FHOD3: variants seen among roughly 807,000 people sequenced by gnomAD.
The protein encoded by FHOD3 is formin homology 2 domain containing 3, also known as FH1/FH2 domain-containing protein 3.
A neutral mutation model predicts 173.0 loss-of-function variants in FHOD3; 90 were observed. That is an observed-to-expected ratio of 0.52 (90% confidence interval 0.44 to 0.62). FHOD3 has a LOEUF of 0.62. Among genes scored for constraint, FHOD3 ranks in the 20% least tolerant of loss-of-function variants. The pLI, the probability that FHOD3 is intolerant of heterozygous loss-of-function variation, is 0.00. For synonymous variants in FHOD3, 828 were observed against 823.0 expected (o/e 1.01, Z -0.10); for missense variants, 1,945 against 2,034.7 (o/e 0.96, Z 0.85).
At chr18:36,458,540 C>T (rs1258132705) in intron 3 of FHOD3, among the ~76,000 whole-genome samples, 1 of 152,060 alleles carries the variant, frequency 6.6e-6, no homozygotes, top group Non-Finnish European at 1.5e-5. Flanking sequence ...TAGGTGCTTG[C>T]CTCAGCTGGG....
intron 15 of FHOD3, 130 bp from the exon 16 acceptor site, chr18:36,686,998 C>T: frequency 1.6e-6 from 1 of 619,078 alleles, no homozygotes; most frequent in Non-Finnish European, 2.8e-6. Flanking sequence ...AATTCAGCTA[C>T]AACCATTTTA....
At position 36,384,570 on chromosome 18, in the gene FHOD3, CA is replaced by C. The variant is rs57653216; in HGVS notation, c.337+11841del. On this transcript the variant is annotated intron_variant, in intron 3 of 28. Coordinates refer to ENST00000590592, the MANE Select transcript of FHOD3 (RefSeq NM_001281740.3). Reference sequence around the variant, plus strand: ...AGGCAACAAGAGCAAAACTGCATCTCAAAAAAAAAAAAAAAGGATTAAAGAA... The same window carrying C: ...AGGCAACAAGAGCAAAACTGCATCTCAAAAAAAAAAAAAAGGATTAAAGAA... Among the ~76,000 whole-genome samples the C allele has an allele frequency of 5.7e-3, 661 of 115,154 alleles. 3 individuals are homozygous for C. The highest frequency in any genetic ancestry group is 0.014 in the Middle Eastern group (3 of 214). The allele number at this position is 115,154 out of a possible 152,430, so 75.5% of individuals were successfully genotyped here. A position where few individuals can be genotyped will look rare whatever the true frequency, so the allele number is the denominator to read the frequency against.
At chr18:36,726,140 TA>T (rs2041054105) in intron 19 of FHOD3, among the ~76,000 whole-genome samples, 1 of 150,428 alleles carries the variant, frequency 6.6e-6, no homozygotes, top group African/African-American at 2.4e-5. Context: ...CTTTTATATA[TA>T]TTTTATATAT....
chr18:36,747,417 T>A (rs183131684), intron 24 of FHOD3, among the ~76,000 whole-genome samples: 2 of 152,318 alleles, frequency 1.3e-5, no homozygotes, highest in Non-Finnish European at 2.9e-5. Flanking sequence ...TTCTAACAAA[T>A]TGAACCCTGC....
At chr18:36,572,137 A>G (rs374031014) in intron 5 of FHOD3, among the ~76,000 whole-genome samples, 7 of 152,368 alleles carry the variant, frequency 4.6e-5, no homozygotes, top group African/African-American at 1.4e-4. Context: ...ACTGAAGCAC[A>G]GAAAGATGAA....
Position 36,707,726 on chromosome 18 carries a change from C to G in FHOD3, c.2237-1369C>G, listed in dbSNP as rs77044330. 1.1e-4 allele frequency among the ~76,000 whole-genome samples: 17 copies of G among 152,288 alleles called. 1 individual carries two copies. The highest frequency in any genetic ancestry group is 3.4e-3 in the Middle Eastern group (1 of 294). On this transcript the variant is annotated intron_variant, in intron 17 of 28. Coordinates refer to ENST00000590592, the MANE Select transcript of FHOD3 (RefSeq NM_001281740.3). ...TGGTTCTGTGCACCCCATGGCCAGC[C>G]GTGCCCATTACCTGGTGCCGCAGGA...
At chr18:36,712,133 C>T (rs1242528623) in intron 18 of FHOD3, among the ~76,000 whole-genome samples, 2 of 152,106 alleles carry the variant, frequency 1.3e-5, no homozygotes, top group Non-Finnish European at 1.5e-5. Flanking sequence ...TATGCTATAC[C>T]TAAAAAGGGT....
intron 14 of FHOD3, among the ~76,000 whole-genome samples, chr18:36,659,750 G>A (rs546554721): frequency 6.6e-6 from 1 of 152,202 alleles, no homozygotes; most frequent in Non-Finnish European, 1.5e-5. Context: ...AGGGGTCCAT[G>A]TGGCCCACAA....
At chr18:36,596,457 A>G (rs1026670961) in intron 7 of FHOD3, among the ~76,000 whole-genome samples, 17 of 149,788 alleles carry the variant, frequency 1.1e-4, no homozygotes, top group Admixed American at 8.8e-4. Context: ...TGCTGGGATT[A>G]CAGGCGTGAG....
At chr18:36,600,724 C>T (rs373922579) in intron 7 of FHOD3, among the ~76,000 whole-genome samples, 76 of 152,302 alleles carry the variant, frequency 5.0e-4, no homozygotes, top group African/African-American at 1.8e-3. Flanking sequence ...GGCTACCTTT[C>T]CCTCTCTCTC....
intron 1 of FHOD3, among the ~76,000 whole-genome samples, chr18:36,307,143 T>C (rs1018219366): frequency 2.0e-5 from 3 of 152,084 alleles, no homozygotes; most frequent in Non-Finnish European, 2.9e-5. Context: ...TTTGTATTTT[T>C]AGTAGAGATG....
At chr18:36,429,719 G>A (rs1371004163) in intron 3 of FHOD3, among the ~76,000 whole-genome samples, 3 of 152,178 alleles carry the variant, frequency 2.0e-5, no homozygotes, top group East Asian at 1.9e-4. Flanking sequence ...GAGCAGCTCC[G>A]CACCCATGAA....
At chr18:36,595,382 A>G (rs1034833178) in intron 7 of FHOD3, among the ~76,000 whole-genome samples, 2 of 152,102 alleles carry the variant, frequency 1.3e-5, no homozygotes, top group African/African-American at 4.8e-5. Context: ...GTTCGGTCAC[A>G]TCCAAAACCT....
chr18:36,345,433 C>T, intron 1 of FHOD3, among the ~76,000 whole-genome samples: 1 of 152,094 alleles, frequency 6.6e-6, no homozygotes, highest in East Asian at 1.9e-4. Flanking sequence ...AAATTATAGT[C>T]TTTTTCATAT....
At chr18:36,736,026 C>T (rs982036648) in intron 20 of FHOD3, among the ~76,000 whole-genome samples, 4 of 152,254 alleles carry the variant, frequency 2.6e-5, no homozygotes, top group African/African-American at 9.6e-5. Flanking sequence ...TGGAAGTTAT[C>T]ACATTGAAAC....
chr18:36,345,881 A>G (rs979163515), intron 1 of FHOD3, among the ~76,000 whole-genome samples: 1 of 152,244 alleles, frequency 6.6e-6, no homozygotes, highest in African/African-American at 2.4e-5. Flanking sequence ...TTCAGACAGC[A>G]CAGTTAGCAA....
Position 36,717,838 on chromosome 18 carries a change from G to A in FHOD3, c.2540G>A (p.Trp847Ter), listed in dbSNP as rs1342191795. ...KLSRDRTTGLWPAGVQDAGVN... is the reference protein window; with the variant it reads ...KLSRDRTTGL ...CTCTCCCATGTACTTTCAGGTTTGT[G>A]GCCCGCAGGTGTCCAGGATGCAGGT... Residue 847 changes from tryptophan to a stop codon, truncating the protein, a stop_gained, in exon 19 of 29, where the codon TGG (tryptophan) becomes TAG (stop). Transcript: ENST00000590592. LOFTEE classifies it high-confidence loss of function. The A allele has an allele frequency of 6.4e-7, 1 of 1,566,016 alleles. No homozygotes were observed. Among genetic ancestry groups the A allele is most frequent in the South Asian group, 1.2e-5 (1 of 82,962 alleles).
intron 18 of FHOD3, among the ~76,000 whole-genome samples, chr18:36,713,191 G>T (rs1271009671): frequency 6.6e-6 from 1 of 152,206 alleles, no homozygotes; most frequent in Non-Finnish European, 1.5e-5. Flanking sequence ...ACAACAGAAT[G>T]GGTGAAAGCA....
intron 3 of FHOD3, among the ~76,000 whole-genome samples, chr18:36,421,653 G>T (rs774713089): frequency 2.6e-5 from 4 of 152,210 alleles, no homozygotes; most frequent in Non-Finnish European, 5.9e-5. Context: ...GTTGCTGGCA[G>T]ATTTTTTGAA....
Sources: allele counts gnomAD v4.1 joint callset (sites outside exome capture counted in the v4.1 genomes callset), GRCh38; gene constraint gnomAD v4.1.1; transcripts MANE v1.5; gene names NCBI Gene and HGNC (gene_info 2026-07-23, HGNC 2026-07-21).